Variants in MEI4 observed in about 807,000 individuals in gnomAD.
MEI4 encodes the protein meiosis-specific protein MEI4.
A neutral mutation model predicts 31.4 loss-of-function variants in MEI4; 27 were observed. The observed-to-expected ratio is 0.86, with a 90% CI of 0.63 to 1.19. The LOEUF is 1.19. Among genes scored for constraint, MEI4 ranks in the 50% most tolerant of loss-of-function variants. The pLI is 0.00. For missense variants in MEI4, 329 were observed against 398.9 expected (o/e 0.82, Z 1.49); for synonymous variants, 122 against 145.4 (o/e 0.84, Z 1.16).
intron 3 of MEI4, among the ~76,000 whole-genome samples, chr6:77,800,334 C>G (rs1769216231): frequency 6.6e-6 from 1 of 152,066 alleles, no homozygotes; most frequent in Admixed American, 6.6e-5. Context: ...GTGATTTTTG[C>G]ACATTGATTT....
intron 1 of MEI4, among the ~76,000 whole-genome samples, chr6:77,665,316 G>T (rs1428959138): frequency 6.6e-6 from 1 of 152,072 alleles, no homozygotes; most frequent in Admixed American, 6.6e-5. Context: ...GCCACTAAGG[G>T]TGAAAGATAA....
rs1180488536 is a variant in MEI4 at position 77,820,531 on chromosome 6, G to T, written c.769-8400G>T. Reference sequence around the variant, plus strand: ...TTCGCCTGCCTAGGCCTCCCAAATTGCTGGGATTACAGTCATGAGCCACTG... The same window carrying T: ...TTCGCCTGCCTAGGCCTCCCAAATTTCTGGGATTACAGTCATGAGCCACTG... On this transcript the variant is annotated intron_variant, in intron 3 of 4. Transcript: ENST00000684080. The surrounding 1 kb of genome is among the most constrained non-coding windows in gnomAD (Gnocchi z 4.5). Among the ~76,000 whole-genome samples the T allele has an allele frequency of 6.6e-6, 1 of 152,182 alleles. No individual in the cohort carries two copies. Among genetic ancestry groups the T allele is most frequent in the Non-Finnish European group, 1.5e-5 (1 of 68,044 alleles).
At chr6:77,796,020 C>T (rs9361288) in intron 3 of MEI4, among the ~76,000 whole-genome samples, 20,932 of 152,040 alleles carry the variant, frequency 0.14, 1,528 homozygotes, top group Middle Eastern at 0.21. Context: ...AGTAGCAAAC[C>T]AATTTCAGCA....
chr6:77,773,306 A>G (rs1768361728), intron 3 of MEI4, among the ~76,000 whole-genome samples: 1 of 152,032 alleles, frequency 6.6e-6, no homozygotes, highest in South Asian at 2.1e-4. Flanking sequence ...GTAGTCATCA[A>G]AATAGTGTTG....
chr6:77,803,726 C>A (rs1769342985), intron 3 of MEI4, among the ~76,000 whole-genome samples: 1 of 152,210 alleles, frequency 6.6e-6, no homozygotes. Context: ...TTGGAGTTTG[C>A]TGGAGGTCCA....
In MEI4 at chr6:77,735,661, G is replaced by T. The variant is rs187050598; in HGVS notation, c.233-25469G>T. On this transcript the variant is annotated intron_variant, in intron 2 of 4. Coordinates refer to ENST00000684080, the MANE Select transcript of MEI4 (RefSeq NM_001322247.2). Reference sequence around the variant, plus strand: ...TCAAAGTCATTCTCTGTCCAGCTTTGTTCCATTGCTGGTGAGGAGCTGCGT... The same window carrying T: ...TCAAAGTCATTCTCTGTCCAGCTTTTTTCCATTGCTGGTGAGGAGCTGCGT... Among the ~76,000 whole-genome samples, 472 of 152,190 alleles carry T rather than the reference G, an allele frequency of 3.1e-3. 8 individuals are homozygous for T. The highest frequency in any genetic ancestry group is 0.011 in the African/African-American group (455 of 41,452).
chr6:77,768,949 A>G (rs1324585122), intron 3 of MEI4, among the ~76,000 whole-genome samples: 1 of 152,180 alleles, frequency 6.6e-6, no homozygotes, highest in Non-Finnish European at 1.5e-5. Flanking sequence ...CCCAAATACA[A>G]GCCTCTAGGA....
intron 1 of MEI4, among the ~76,000 whole-genome samples, chr6:77,682,689 A>T (rs763804489): frequency 3.9e-5 from 6 of 152,104 alleles, no homozygotes; most frequent in Non-Finnish European, 7.3e-5. Flanking sequence ...TCATTCATTT[A>T]CTCACTACTA....
In MEI4 at chr6:77,907,996, T is replaced by G. The variant is rs796217261; in HGVS notation, c.901-15093T>G. On this transcript the variant is annotated intron_variant, in intron 4 of 4. Coordinates refer to ENST00000684080, the MANE Select transcript of MEI4 (RefSeq NM_001322247.2). ...CCTTCACGCACTTGTTGATGGGGTT[T>G]TTTTTTTTTTCTTGTAAATTTGTTT... Among the ~76,000 whole-genome samples the G allele has an allele frequency of 1.7e-3, 257 of 150,612 alleles. 2 individuals are homozygous for G. The Middle Eastern group carries it at 0.024, about 14-fold the overall frequency.
At chr6:77,664,873 G>C (rs1442252818) in intron 1 of MEI4, among the ~76,000 whole-genome samples, 3 of 152,084 alleles carry the variant, frequency 2.0e-5, no homozygotes, top group Admixed American at 1.3e-4. Flanking sequence ...AACTACTGTC[G>C]AGTTTGTATT....
intron 4 of MEI4, among the ~76,000 whole-genome samples, chr6:77,868,942 C>T (rs576815335): frequency 6.6e-6 from 1 of 152,148 alleles, no homozygotes; most frequent in East Asian, 1.9e-4. Flanking sequence ...GTTCATACGG[C>T]ACTCCTTGTT....
upstream of MEI4, among the ~76,000 whole-genome samples, chr6:77,652,598 T>A (rs1048837329): frequency 1.3e-5 from 2 of 152,226 alleles, no homozygotes; most frequent in Non-Finnish European, 2.9e-5. Flanking sequence ...TAGTGCACTT[T>A]CTTAGAATAT....
At position 77,834,816 on chromosome 6, in the gene MEI4, T is replaced by TC. The variant is rs530500247; in HGVS notation, c.900+5759dup. ...AGTAATAAACTTCTGCTGACCCCTT[T>TC]CCCCCGCTCTCCCAAATAGGAAGCA... On this transcript the variant is annotated intron_variant, in intron 4 of 4. Coordinates refer to ENST00000684080, the MANE Select transcript of MEI4 (RefSeq NM_001322247.2). Among the ~76,000 whole-genome samples, 133 of 152,032 alleles carry TC rather than the reference T, an allele frequency of 8.7e-4. 1 individual carries two copies. The highest frequency in any genetic ancestry group is 1.5e-3 in the Non-Finnish European group (101 of 67,976).
At chr6:77,665,919 T>G (rs1461863186) in intron 1 of MEI4, among the ~76,000 whole-genome samples, 1 of 152,130 alleles carries the variant, frequency 6.6e-6, no homozygotes, top group Admixed American at 6.5e-5. Context: ...TAGGTGGATC[T>G]TTCTCATGGA....
Position 77,923,464 on chromosome 6 carries a change from T to TA in MEI4, c.*119dup. 1 of 801,832 alleles carries TA rather than the reference T, an allele frequency of 1.2e-6. No individual in the cohort carries two copies. The highest frequency in any genetic ancestry group is 1.8e-5 in the African/African-American group (1 of 55,448). The allele number at this position is 801,832 out of a possible 1,614,324, so 49.7% of individuals were successfully genotyped here. A position where few individuals can be genotyped will look rare whatever the true frequency, so the allele number is the denominator to read the frequency against. ...TAGCATTTTAGAATTGATCTCTAAA[T>TA]ATAATTATCAATTCAACTTAATGGT... is the stretch of plus-strand genomic sequence containing the variant. On this transcript the variant is annotated 3_prime_UTR_variant, in exon 5 of 5. Transcript: ENST00000684080.
intron 4 of MEI4, among the ~76,000 whole-genome samples, chr6:77,859,972 G>A (rs1351684207): frequency 6.6e-6 from 1 of 152,074 alleles, no homozygotes. Flanking sequence ...TATTCCATTT[G>A]ATCTCAGGAT....
intron 3 of MEI4, among the ~76,000 whole-genome samples, chr6:77,793,444 T>G (rs1223201920): frequency 2.6e-5 from 4 of 152,162 alleles, no homozygotes; most frequent in African/African-American, 9.7e-5. Context: ...TGAAAATACA[T>G]GAAATGATAA....
At chr6:77,800,279 T>C (rs1769212478) in intron 3 of MEI4, among the ~76,000 whole-genome samples, 2 of 152,178 alleles carry the variant, frequency 1.3e-5, no homozygotes, top group South Asian at 4.1e-4. Context: ...AGTTCACTCA[T>C]GATTCGGCTC....
intron 2 of MEI4, among the ~76,000 whole-genome samples, chr6:77,705,434 A>G (rs1246701599): frequency 6.6e-6 from 1 of 152,268 alleles, no homozygotes; most frequent in Non-Finnish European, 1.5e-5. Flanking sequence ...GTTTACAAGT[A>G]ATATCACACA....
Sources: allele counts gnomAD v4.1 joint callset (sites outside exome capture counted in the v4.1 genomes callset), GRCh38; gene constraint gnomAD v4.1.1; non-coding constraint Gnocchi (gnomAD v3.1); transcripts MANE v1.5; gene names NCBI Gene and HGNC (gene_info 2026-07-23, HGNC 2026-07-21).